The following TNIP1 variants were observed in gnomAD, a reference collection of about 807,000 sequenced individuals.
The protein encoded by TNIP1 is TNFAIP3-interacting protein 1.
TNIP1 carries 22 observed loss-of-function variants against 86.6 expected under a neutral mutation model. The observed-to-expected ratio is 0.25, with a 90% CI of 0.18 to 0.36. TNIP1 has a LOEUF of 0.36. Among genes scored for constraint, TNIP1 ranks in the 10% least tolerant of loss-of-function variants. The pLI, the probability that TNIP1 is intolerant of heterozygous loss-of-function variation, is 1.00. For synonymous variants in TNIP1, 294 were observed against 313.0 expected, an observed-to-expected ratio of 0.94 and a Z score of 0.64; for missense variants, 709 against 820.6, an observed-to-expected ratio of 0.86 and a Z score of 1.66.
intron 17 of TNIP1, 103 bp downstream of exon 17, chr5:151,032,184 C>A (rs1756988975): frequency 9.9e-7 from 1 of 1,007,022 alleles, no homozygotes; most frequent in African/African-American, 1.6e-5. Flanking sequence ...CTCTCCTCCA[C>A]CAAGAGCAGA....
intron 11 of TNIP1, 100 bp downstream of exon 11, chr5:151,042,440 C>G: frequency 6.6e-7 from 1 of 1,519,192 alleles, no homozygotes; most frequent in South Asian, 1.2e-5. Context: ...GCACTAGACC[C>G]CCGGGTCTCC....
At chr5:151,069,715 G>A (rs374569562) in intron 1 of TNIP1, among the ~76,000 whole-genome samples, 15 of 152,192 alleles carry the variant, frequency 9.9e-5, no homozygotes, top group African/African-American at 3.4e-4. Context: ...AGGGGGTATA[G>A]GGAAGGGGTC....
At position 151,033,786 on chromosome 5, in the gene TNIP1, C is replaced by CTGGGTG; in HGVS notation, c.1600_1601insCACCCA (p.Arg534delinsProProSer). 1 of 1,369,938 alleles carries CTGGGTG rather than the reference C, an allele frequency of 7.3e-7. No individual in the cohort carries two copies. Among genetic ancestry groups the CTGGGTG allele is most frequent in the Admixed American group, 2.9e-5 (1 of 34,186 alleles). 84.9% of individuals were successfully genotyped at this position (1,369,938 alleles called of 1,614,324 possible). ...TTCTGGGTGGGGCTCCACATGGTAA[C>CTGGGTG]GCTCTCCTGAGGCCTGCAAGAAAGG... On this transcript the variant is annotated protein_altering_variant, in exon 16 of 18. Coordinates refer to ENST00000521591, the MANE Select transcript of TNIP1 (RefSeq NM_006058.5).
intron 12 of TNIP1, among the ~76,000 whole-genome samples, chr5:151,037,914 C>T (rs1757923031): frequency 6.6e-6 from 1 of 152,190 alleles, no homozygotes; most frequent in African/African-American, 2.4e-5. Flanking sequence ...TCCTACTCCA[C>T]CCCACTTTTA....
chr5:151,068,234 G>A (rs1762464487), intron 1 of TNIP1, among the ~76,000 whole-genome samples: 1 of 152,160 alleles, frequency 6.6e-6, no homozygotes, highest in Admixed American at 6.5e-5. Context: ...AGGGAAACAG[G>A]GAATTTCCAA....
intron 1 of TNIP1, among the ~76,000 whole-genome samples, chr5:151,068,922 T>C (rs770950625): frequency 1.3e-5 from 2 of 152,228 alleles, no homozygotes; most frequent in Non-Finnish European, 2.9e-5. Flanking sequence ...GCTGGTGGTA[T>C]AGAAGCAGCC....
At chr5:151,070,322 T>C (rs1481539082) in intron 1 of TNIP1, among the ~76,000 whole-genome samples, 2 of 152,204 alleles carry the variant, frequency 1.3e-5, no homozygotes, top group African/African-American at 4.8e-5. Flanking sequence ...AGCTCAGCAT[T>C]TGACACACAG....
intron 1 of TNIP1, among the ~76,000 whole-genome samples, chr5:151,078,927 C>A (rs996924744): frequency 2.0e-5 from 3 of 152,170 alleles, no homozygotes; most frequent in Non-Finnish European, 4.4e-5. Flanking sequence ...CCAGGACATC[C>A]GGGCCCCAAG....
upstream of TNIP1, among the ~76,000 whole-genome samples, chr5:151,081,967 A>G (rs1764058777): frequency 6.6e-6 from 1 of 152,258 alleles, no homozygotes; most frequent in South Asian, 2.1e-4. Context: ...TGGAATAAAG[A>G]ACAGCTCTTT....
chr5:151,063,849 G>A, intron 2 of TNIP1, 102 bp from the exon 3 acceptor site: 1 of 1,449,490 alleles, frequency 6.9e-7, no homozygotes, highest in Admixed American at 2.1e-5. Flanking sequence ...GGCTTCTGAG[G>A]CTCCAGGCCC....
intron 1 of TNIP1, among the ~76,000 whole-genome samples, chr5:151,072,579 A>T (rs1340786863): frequency 3.3e-5 from 5 of 152,164 alleles, no homozygotes; most frequent in Non-Finnish European, 5.9e-5. Flanking sequence ...GGAATAAGGA[A>T]CAAGATGCCC....
At chr5:151,038,178 T>C (rs1757956654) in intron 12 of TNIP1, among the ~76,000 whole-genome samples, 1 of 152,190 alleles carries the variant, frequency 6.6e-6, no homozygotes, top group Non-Finnish European at 1.5e-5. Flanking sequence ...AATCAGTGTT[T>C]ACAAAACACC....
intron 5 of TNIP1, among the ~76,000 whole-genome samples, chr5:151,059,943 C>T (rs3805432): frequency 0.03 from 4,462 of 150,692 alleles, 78 homozygotes; most frequent in East Asian, 0.059. Context: ...GCACAAAGAG[C>T]AAATCACCTG....
chr5:151,075,698 G>C (rs76484352), intron 1 of TNIP1, among the ~76,000 whole-genome samples: 2 of 152,400 alleles, frequency 1.3e-5, no homozygotes, highest in African/African-American at 4.8e-5. Flanking sequence ...TGCAGAGACA[G>C]AAGTGGGCTG....
chr5:151,059,947 T>C (rs1421604006), intron 5 of TNIP1, among the ~76,000 whole-genome samples: 2 of 149,614 alleles, frequency 1.3e-5, no homozygotes, highest in African/African-American at 4.9e-5. Flanking sequence ...AAAGAGCAAA[T>C]CACCTGTCTT....
rs547795917 is a variant in TNIP1 at position 151,030,629 on chromosome 5, G to C, written c.*84C>G. 50 of 1,605,060 alleles carry C rather than the reference G, an allele frequency of 3.1e-5. No homozygotes were observed. In the African/African-American group the frequency reaches 6.4e-4, roughly 21 times the overall value. Reference sequence around the variant, plus strand: ...ATCCAGCTGAGGCTCTGGCCACACCGTGCAAGTGGCTTCTAGTTTCTTGGC... The same window carrying C: ...ATCCAGCTGAGGCTCTGGCCACACCCTGCAAGTGGCTTCTAGTTTCTTGGC... On this transcript the variant is annotated 3_prime_UTR_variant, in exon 18 of 18. Transcript: ENST00000521591.
At chr5:151,041,535 T>C (rs145630323) in intron 11 of TNIP1, among the ~76,000 whole-genome samples, 1 of 152,228 alleles carries the variant, frequency 6.6e-6, no homozygotes, top group East Asian at 1.9e-4. Context: ...ACCCAGTGAA[T>C]TTTTTAATTT....
chr5:151,059,854 TGTGTGTGTGTGTGCGCGCGCGC>T (rs1481965821), intron 5 of TNIP1, among the ~76,000 whole-genome samples: 24 of 100,396 alleles, frequency 2.4e-4, no homozygotes, highest in African/African-American at 6.7e-4. Context: ...TGTGTGTGTG[TGTGTGTGTGTGTGCGCGCGCGC>T]GCGCGCATGC....
At chr5:151,064,819 G>C in intron 2 of TNIP1, 141 bp downstream of exon 2, 1 of 1,204,110 alleles carries the variant, frequency 8.3e-7, no homozygotes, top group Non-Finnish European at 1.2e-6. Flanking sequence ...TGTGAGGCAG[G>C]AGCCAGCGCT....
Sources: allele counts gnomAD v4.1 joint callset (sites outside exome capture counted in the v4.1 genomes callset), GRCh38; gene constraint gnomAD v4.1.1; transcripts MANE v1.5; gene names NCBI Gene and HGNC (gene_info 2026-07-23, HGNC 2026-07-21).